Variants in TPPP2 observed in about 807,000 individuals in gnomAD.
TPPP2 encodes the protein tubulin polymerization promoting protein family member 2, also known as tubulin polymerization-promoting protein family member 2.
Under a neutral mutation model 13.0 loss-of-function variants are expected in TPPP2, and 8 were observed. The ratio of observed to expected loss-of-function variants is 0.62; its 90% CI spans 0.36 to 1.11. The LOEUF (loss-of-function observed/expected upper bound fraction) is 1.11. TPPP2 is among the 50% of genes most tolerant of loss of function. The pLI, the probability that TPPP2 is intolerant of heterozygous loss-of-function variation, is 0.02. For missense variants in TPPP2, 213 were observed against 216.9 expected, an observed-to-expected ratio of 0.98 and a Z score of 0.11; for synonymous variants, 81 against 81.8, an observed-to-expected ratio of 0.99 and a Z score of 0.05.
chr14:21,031,746 A>G (rs1173064945), intron 3 of TPPP2, 146 bp from the exon 4 acceptor site: 2 of 826,490 alleles, frequency 2.4e-6, no homozygotes, highest in Non-Finnish European at 1.9e-6. Flanking sequence ...CCACAGCTGT[A>G]TCTGGGCCCT....
At position 21,032,182 on chromosome 14, in the gene TPPP2, T is replaced by A. The variant is rs1234907888; in HGVS notation, c.*105T>A. 8.3e-7 allele frequency: 1 copy of A among 1,211,502 alleles called. No homozygotes were observed. Among genetic ancestry groups the A allele is most frequent in the Non-Finnish European group, 1.2e-6 (1 of 828,950 alleles). The allele number at this position is 1,211,502 out of a possible 1,614,324, so 75.0% of individuals were successfully genotyped here. ...GTGTGTGCAGCAGCCAAAATCTCTGTCTGTGAGGGACAGATGAGCCTACTA... is the reference window on the plus strand; with the variant it reads ...GTGTGTGCAGCAGCCAAAATCTCTGACTGTGAGGGACAGATGAGCCTACTA... On this transcript the variant is annotated 3_prime_UTR_variant, in exon 4 of 4. Transcript: ENST00000321760.
At position 21,030,681 on chromosome 14, in the gene TPPP2, T is replaced by C; in HGVS notation, c.100T>C (p.Cys34Arg). Reference sequence around the variant, plus strand: ...GAACAACAAGAACTTCTCCAAGCTGTGCAAAGACTGTGGCATCATGGATGG... The same window carrying C: ...GAACAACAAGAACTTCTCCAAGCTGCGCAAAGACTGTGGCATCATGGATGG... ...EMNNKNFSKL[C>R]KDCGIMDGKT... is the part of the protein sequence containing the mutation. The change falls in exon 2 of 4, where the codon TGC becomes CGC. Residue 34 changes from cysteine to arginine, a missense_variant. Coordinates refer to ENST00000321760, the MANE Select transcript of TPPP2 (RefSeq NM_173846.5). 6.2e-7 allele frequency: 1 copy of C among 1,614,172 alleles called. No homozygotes were observed. Among genetic ancestry groups the C allele is most frequent in the Middle Eastern group, 1.6e-4 (1 of 6,062 alleles).
At chr14:21,024,706 TG>T in intron 1 of TPPP2, 1 of 985,302 alleles carries the variant, frequency 1.0e-6, no homozygotes, top group Non-Finnish European at 1.2e-6. Context: ...CGGGAAGGGA[TG>T]GGTAGGACAG....
At position 21,031,192 on chromosome 14, in the gene TPPP2, C is replaced by T. The variant is rs759170153; in HGVS notation, c.327+27C>T. 5 of 1,607,080 alleles carry T rather than the reference C, an allele frequency of 3.1e-6. No homozygotes were observed. The South Asian group carries it at 4.5e-5, about 14-fold the overall frequency. On this transcript the variant is annotated intron_variant, in intron 3 of 3. Transcript: ENST00000321760. ...TGAGTGACAGCCTTCATCCCCTTGA[C>T]CCTACTTCCCTAAATCCCCATTGTT...
rs111435290 is a variant in TPPP2, at chr14:21,032,129, C to G, written c.*52C>G. On this transcript the variant is annotated 3_prime_UTR_variant, in exon 4 of 4. Transcript: ENST00000321760. The stretch of plus-strand genomic sequence containing the variant: ...CCCCCTGACCCTGCATGTTTAACAC[C>G]AGGGAGCTTGGAAAACAATAAACAT... 1.5e-5 allele frequency: 24 copies of G among 1,567,926 alleles called. No homozygotes were observed. Among genetic ancestry groups the G allele is most frequent in the South Asian group, 2.3e-5 (2 of 88,844 alleles).
rs867727938 is a variant in TPPP2, at chr14:21,025,024, C to G, written n.236+680C>G. 1.4e-5 allele frequency: 14 copies of G among 985,986 alleles called. No individual in the cohort carries two copies. In the South Asian group the frequency reaches 2.3e-4, roughly 17 times the overall value. The allele number at this position is 985,986 out of a possible 1,614,324, so 61.1% of individuals were successfully genotyped here. The stretch of plus-strand genomic sequence containing the variant: ...CTACGGCCCCTCGCCTGCCCCTCCC[C>G]CTACCTGCTGCCGCCGCGGCCGCTT... On this transcript the variant is annotated intron_variant and non_coding_transcript_variant, in intron 1 of 1. Coordinates refer to the TPPP2 transcript ENST00000533755. The surrounding 1 kb of genome is among the most constrained non-coding windows in gnomAD (Gnocchi z 5.1).
downstream of TPPP2, chr14:21,033,239 A>G: frequency 3.1e-6 from 1 of 326,448 alleles, no homozygotes; most frequent in South Asian, 2.5e-5. Flanking sequence ...CAGTTATATG[A>G]AGGGAGAAAC....
downstream of TPPP2, chr14:21,034,193 G>A (rs770531717): frequency 6.2e-7 from 1 of 1,614,036 alleles, no homozygotes; most frequent in South Asian, 1.1e-5. Context: ...TTAAGGTATA[G>A]AAGTTCCTGC....
Position 21,030,715 on chromosome 14 carries a change from T to G in TPPP2, c.134T>G (p.Val45Gly). 1 of 1,614,144 alleles carries G rather than the reference T, an allele frequency of 6.2e-7. No homozygotes were observed. Among genetic ancestry groups the G allele is most frequent in the Non-Finnish European group, 8.5e-7 (1 of 1,180,014 alleles). Reference sequence around the variant, plus strand: ...TGTGGCATCATGGATGGCAAGACAGTCACCTCCACGGACGTGGACATCGTG... The same window carrying G: ...TGTGGCATCATGGATGGCAAGACAGGCACCTCCACGGACGTGGACATCGTG... ...KDCGIMDGKTVTSTDVDIVFS... is the reference protein window; with the variant it reads ...KDCGIMDGKTGTSTDVDIVFS... Residue 45 changes from valine (V) to glycine (G), a missense_variant, in exon 2 of 4, where the codon GTC (valine) becomes GGC (glycine). Val to Gly is a moderately radical substitution (Grantham distance 109, BLOSUM62 -3). Transcript: ENST00000321760.
At chr14:21,024,565 A>G in intron 1 of TPPP2, 1 of 985,450 alleles carries the variant, frequency 1.0e-6, no homozygotes, top group Non-Finnish European at 1.2e-6. Flanking sequence ...AAACAAACAC[A>G]AAGATTGGTG....
Position 21,032,459 on chromosome 14 carries a change from T to G in TPPP2, c.*382T>G. On this transcript the variant is annotated 3_prime_UTR_variant, in exon 4 of 4. Coordinates refer to ENST00000321760, the MANE Select transcript of TPPP2 (RefSeq NM_173846.5). ...CCCACCCCTCAAAAGGGTGTAGCAA[T>G]TCCTCACGTGATGGACTATGACTAT... is the stretch of plus-strand genomic sequence containing the variant. The G allele has an allele frequency of 7.5e-6, 3 of 400,200 alleles. No homozygotes were observed. The highest frequency in any genetic ancestry group is 1.5e-5 in the Non-Finnish European group (3 of 201,904). 24.8% of individuals were successfully genotyped at this position (400,200 alleles called of 1,614,324 possible). A position where few individuals can be genotyped will look rare whatever the true frequency, so the allele number is the denominator to read the frequency against.
chr14:21,033,264 G>A, downstream of TPPP2: 2 of 318,236 alleles, frequency 6.3e-6, no homozygotes, highest in South Asian at 2.6e-5. Context: ...ATTTCACAGA[G>A]AGAAGCAGGC....
chr14:21,034,146 A>G (rs763858233), downstream of TPPP2: 10 of 1,614,096 alleles, frequency 6.2e-6, no homozygotes, highest in Middle Eastern at 1.6e-4. Flanking sequence ...ATAGCCCCGG[A>G]AACCCTTTGG....
chr14:21,033,424 G>C (rs980261923), downstream of TPPP2: 25 of 291,746 alleles, frequency 8.6e-5, no homozygotes, highest in African/African-American at 5.5e-4. Context: ...GGCTGGTGGG[G>C]ATGGGGAGGT....
At position 21,025,078 on chromosome 14, in the gene TPPP2, C is replaced by G. The variant is rs1297593614; in HGVS notation, n.236+734C>G. 1 of 986,100 alleles carries G rather than the reference C, an allele frequency of 1.0e-6. No homozygotes were observed. Among genetic ancestry groups the G allele is most frequent in the African/African-American group, 1.7e-5 (1 of 57,232 alleles). 61.1% of individuals were successfully genotyped at this position (986,100 alleles called of 1,614,324 possible). A position where few individuals can be genotyped will look rare whatever the true frequency, so the allele number is the denominator to read the frequency against. On this transcript the variant is annotated intron_variant and non_coding_transcript_variant, in intron 1 of 1. Transcript: ENST00000533755. The surrounding 1 kb of genome is among the most constrained non-coding windows in gnomAD (Gnocchi z 5.1). ...CCTTCACTTGCCTTTGACTCGGGCC[C>G]GCCCCGGCTCGGGCTTCCCGCAGAC...
downstream of TPPP2, chr14:21,036,059 T>C: frequency 2.6e-6 from 1 of 389,384 alleles, no homozygotes; most frequent in Admixed American, 3.2e-5. Flanking sequence ...TTAAGATGTA[T>C]ATCAAGAGTT....
chr14:21,025,301 C>G (rs1316583369), upstream of TPPP2: 1 of 954,012 alleles, frequency 1.0e-6, no homozygotes, highest in Non-Finnish European at 1.2e-6. The surrounding 1 kb of genome is among the most constrained non-coding windows in gnomAD (Gnocchi z 5.1). Context: ...TTCCACCACC[C>G]CCTCCCCGCA....
At chr14:21,030,111 A>G (rs937237641), upstream of TPPP2, 2 of 154,374 alleles carry the variant, frequency 1.3e-5, no homozygotes, top group Admixed American at 6.4e-5. Flanking sequence ...TAGGGAGACC[A>G]AAAGCCCCCT....
At chr14:21,024,977 C>A (rs994156275) in intron 1 of TPPP2, 14 of 985,536 alleles carry the variant, frequency 1.4e-5, no homozygotes, top group Non-Finnish European at 1.7e-5. Flanking sequence ...CGCCCGCCGG[C>A]CCGGCTGGCG....
Sources: gnomAD v4.1 joint callset for allele counts on GRCh38, gnomAD v4.1.1 for gene constraint, Gnocchi (gnomAD v3.1) non-coding constraint, MANE v1.5 for transcripts, NCBI Gene and HGNC (gene_info 2026-07-23, HGNC 2026-07-21) for gene names.